Variants in STK11IP observed in about 807,000 individuals in gnomAD.
STK11IP encodes the protein serine/threonine-protein kinase 11-interacting protein.
In STK11IP, 103 loss-of-function variants were observed where a neutral mutation model predicts 131.7. That is an observed-to-expected ratio of 0.78 (90% CI 0.67 to 0.92). The LOEUF is 0.92. Ranked by LOEUF, STK11IP falls within the 40% of genes least tolerant of loss-of-function variation. The pLI, the probability that STK11IP is intolerant of heterozygous loss-of-function variation, is 0.00. For synonymous variants in STK11IP, 557 were observed against 575.6 expected (o/e 0.97, Z 0.46); for missense variants, 1,315 against 1,385.7 (o/e 0.95, Z 0.81).
rs746082953 is a variant in STK11IP at position 219,602,583 on chromosome 2, C to T, written c.546+8C>T. ...GCCTTAGACAGCTCCCTGGTGAGTG[C>T]CTCAGAGGGAAGAGGGTTTCGAGGA... On this transcript the variant is annotated splice_region_variant and intron_variant, in intron 6 of 24. Coordinates refer to ENST00000456909, the MANE Select transcript of STK11IP (RefSeq NM_052902.4). 1 of 1,613,404 alleles carries T rather than the reference C, an allele frequency of 6.2e-7. No homozygotes were observed. The highest frequency in any genetic ancestry group is 1.1e-5 in the South Asian group (1 of 91,052).
Position 219,616,040 on chromosome 2 carries a change from C to T in STK11IP, c.3118-4C>T, listed in dbSNP as rs1329644144. On this transcript the variant is annotated splice_polypyrimidine_tract_variant and splice_region_variant and intron_variant, in intron 24 of 24. Coordinates refer to ENST00000456909, the MANE Select transcript of STK11IP (RefSeq NM_052902.4). ...CTCGCCTTGCTAACTGCTCGGTCTG[C>T]CAGGTGTCCCGGCTGGAGAGCTTTT... 3.7e-6 allele frequency: 6 copies of T among 1,613,150 alleles called. No individual in the cohort carries two copies. Among genetic ancestry groups the T allele is most frequent in the East Asian group, 2.2e-5 (1 of 44,886 alleles).
rs753253372 is a variant in STK11IP at position 219,606,819 on chromosome 2, A to G, written c.1095A>G (p.Ser365=). The change falls in exon 12 of 25, where the codon TCA becomes TCG. Residue 365 remains serine, a synonymous_variant. Coordinates refer to ENST00000456909, the MANE Select transcript of STK11IP (RefSeq NM_052902.4). ...GGPDLSDSLS[S]GGVVTQPLLH... ...CTGACCTGAGTGACAGCCTCTCCTC[A>G]GGGGGTGTTGTGACCCAGCCCCTGC... 2 of 1,613,326 alleles carry G rather than the reference A, an allele frequency of 1.2e-6. No homozygotes were observed. The highest frequency in any genetic ancestry group is 1.7e-5 in the Admixed American group (1 of 60,010).
intron 11 of STK11IP, 22 bp from the exon 12 acceptor site, chr2:219,606,690 C>T (rs529181397): frequency 1.1e-5 from 18 of 1,600,024 alleles, no homozygotes; most frequent in African/African-American, 5.4e-5. Flanking sequence ...ACCTCTCTCT[C>T]CTTCCTGTCG....
At position 219,602,479 on chromosome 2, in the gene STK11IP, A is replaced by G. The variant is rs1398029364; in HGVS notation, c.450A>G (p.Ser150=). The part of the protein sequence containing the change: ...RSLQALEELL[S]ACGGDFCSAL... The stretch of plus-strand genomic sequence containing the variant: ...ATCTGTCTGCTCAGGAGCTCCTCTC[A>G]GCCTGCGGCGGCGACTTCTGCTCTG... The change falls in exon 6 of 25, where the codon TCA becomes TCG. Residue 150 remains serine, a synonymous_variant. Transcript: ENST00000456909. 5.0e-6 allele frequency: 8 copies of G among 1,613,686 alleles called. No homozygotes were observed. The highest frequency in any genetic ancestry group is 1.3e-5 in the African/African-American group (1 of 74,918).
Position 219,608,176 on chromosome 2 carries a change from C to T in STK11IP, c.1349C>T (p.Thr450Ile), listed in dbSNP as rs746397596. The change falls in exon 14 of 25, where the codon ACT becomes ATT. Residue 450 changes from threonine (T) to isoleucine (I), a missense_variant. Transcript: ENST00000456909. ...SGNPLPATPT[T>I]SAPSAPPASS... ...AACCCTCTGCCGGCCACCCCCACTA[C>T]TTCTGCACCCAGTGCACCTCCAGCC... 1 of 1,613,668 alleles carries T rather than the reference C, an allele frequency of 6.2e-7. No individual in the cohort carries two copies. The highest frequency in any genetic ancestry group is 8.5e-7 in the Non-Finnish European group (1 of 1,179,898).
chr2:219,615,292 T>C lies in STK11IP; in HGVS notation c.3068T>C (p.Leu1023Pro). 1 of 1,602,526 alleles carries C rather than the reference T, an allele frequency of 6.2e-7. No individual in the cohort carries two copies. Among genetic ancestry groups the C allele is most frequent in the Non-Finnish European group, 8.5e-7 (1 of 1,179,396 alleles). The change falls in exon 24 of 25, where the codon CTG (leucine) becomes CCG (proline). Residue 1023 changes from leucine (L) to proline (P), a missense_variant. Transcript: ENST00000456909. ...QQPLSSLSSVLLYRSAPEDLR... is the reference protein window; with the variant it reads ...QQPLSSLSSVPLYRSAPEDLR... ...CCACTCAGCAGCCTGAGCTCCGTGC[T>C]GCTCTACCGCTCAGCCCCTGAGGAC... is the stretch of plus-strand genomic sequence containing the variant.
At chr2:219,608,844 G>A (rs1016737536) in intron 15 of STK11IP, 56 bp downstream of exon 15, 28 of 1,500,916 alleles carry the variant, frequency 1.9e-5, no homozygotes, top group Non-Finnish European at 2.4e-5. Context: ...CATGGCTGTT[G>A]TGTGCCCTGC....
At position 219,616,108 on chromosome 2, in the gene STK11IP, T is replaced by C. The variant is rs1008718310; in HGVS notation, c.3182T>C (p.Leu1061Pro). ...TGTCAGGAGCAGCTGACAGCCCTGC[T>C]TGCCTGGATCCGGGAACCATGGGAG... ...VVCQEQLTAL[L>P]AWIREPWEEL... Residue 1061 changes from leucine (L) to proline (P), a missense_variant, in exon 25 of 25, where the codon CTT becomes CCT. Physicochemically the swap from Leu to Pro is moderately conservative, Grantham distance 98. Coordinates refer to ENST00000456909, the MANE Select transcript of STK11IP (RefSeq NM_052902.4). 6.2e-7 allele frequency: 1 copy of C among 1,613,904 alleles called. No individual in the cohort carries two copies. Among genetic ancestry groups the C allele is most frequent in the Non-Finnish European group, 8.5e-7 (1 of 1,179,892 alleles).
chr2:219,606,840 C>T lies in STK11IP; in HGVS notation c.1116C>T (p.Pro372=). The change falls in exon 12 of 25, where the codon CCC becomes CCT. Residue 372 remains proline (P), a synonymous_variant. Coordinates refer to ENST00000456909, the MANE Select transcript of STK11IP (RefSeq NM_052902.4). ...CCTCAGGGGGTGTTGTGACCCAGCC[C>T]CTGCTTCATAAGGTTAAGGTAAGCA... ...SLSSGGVVTQ[P]LLHKVKSRVR... 3 of 1,612,336 alleles carry T rather than the reference C, an allele frequency of 1.9e-6. No individual in the cohort carries two copies. Among genetic ancestry groups the T allele is most frequent in the Non-Finnish European group, 2.5e-6 (3 of 1,179,066 alleles).
intron 7 of STK11IP, among the ~76,000 whole-genome samples, chr2:219,604,996 A>AT (rs1698103988): frequency 6.6e-6 from 1 of 151,990 alleles, no homozygotes; most frequent in Admixed American, 6.5e-5. Context: ...CGCCCAGCTA[A>AT]TTTTTGTATT....
intron 17 of STK11IP, among the ~76,000 whole-genome samples, chr2:219,610,352 T>G (rs1311374926): frequency 2.0e-5 from 3 of 152,136 alleles, no homozygotes; most frequent in African/African-American, 4.8e-5. Context: ...GCCTCTTCCA[T>G]GGTGGCGTTA....
chr2:219,613,940 G>A lies in STK11IP; in HGVS notation c.2716+10G>A, dbSNP rs1698491837. 1 of 1,571,980 alleles carries A rather than the reference G, an allele frequency of 6.4e-7. No homozygotes were observed. The highest frequency in any genetic ancestry group is 8.6e-7 in the Non-Finnish European group (1 of 1,157,444). Reference sequence around the variant, plus strand: ...CTAGAGGAGCTCCTTGGTGAGAGAGGGGAGGGGAAGGCAGGAGGGTGGGCA... The same window carrying A: ...CTAGAGGAGCTCCTTGGTGAGAGAGAGGAGGGGAAGGCAGGAGGGTGGGCA... On this transcript the variant is annotated intron_variant, in intron 21 of 24. Coordinates refer to ENST00000456909, the MANE Select transcript of STK11IP (RefSeq NM_052902.4).
chr2:219,606,320 T>A, intron 10 of STK11IP, 30 bp downstream of exon 10: 1 of 1,553,214 alleles, frequency 6.4e-7, no homozygotes, highest in Non-Finnish European at 8.7e-7. Context: ...CCACTCTTCT[T>A]CCCCTTTCCT....
rs964143631 is a variant in STK11IP, at chr2:219,611,254, C to T, written c.2105-350C>T. 1.2e-4 allele frequency among the ~76,000 whole-genome samples: 18 copies of T among 152,166 alleles called. 1 individual carries two copies. Among genetic ancestry groups the T allele is most frequent in the Admixed American group, 7.9e-4 (12 of 15,278 alleles). ...GACCTGTTGATTTTGGTCTTTCAGACGTTGCTAGGAGAGCCCTGAAGTACT... is the reference window on the plus strand; with the variant it reads ...GACCTGTTGATTTTGGTCTTTCAGATGTTGCTAGGAGAGCCCTGAAGTACT... On this transcript the variant is annotated intron_variant, in intron 17 of 24. Transcript: ENST00000456909.
intron 24 of STK11IP, 126 bp from the exon 25 acceptor site, chr2:219,615,918 G>T: frequency 8.1e-7 from 1 of 1,233,818 alleles, no homozygotes; most frequent in Non-Finnish European, 1.2e-6. Context: ...GGAGTGACAT[G>T]GGCCTGGGGA....
intron 21 of STK11IP, 108 bp downstream of exon 21, chr2:219,614,038 C>CT: frequency 6.7e-7 from 1 of 1,500,806 alleles, no homozygotes; most frequent in Non-Finnish European, 9.1e-7. Flanking sequence ...GGTAACAGGA[C>CT]TTGTCCCTTG....
intron 13 of STK11IP, 42 bp downstream of exon 13, chr2:219,607,179 A>C: frequency 6.3e-7 from 1 of 1,587,050 alleles, no homozygotes; most frequent in Non-Finnish European, 8.6e-7. Context: ...GTCCCCAGCG[A>C]GCTCACTCTA....
rs202180841 is a variant in STK11IP, at chr2:219,613,817, A to T, written c.2603A>T (p.Glu868Val). The T allele has an allele frequency of 4.3e-6, 7 of 1,612,260 alleles. No homozygotes were observed. In the African/African-American group the frequency reaches 8.0e-5, roughly 18 times the overall value. Residue 868 changes from glutamate to valine, a missense_variant, in exon 21 of 25, where the codon GAG (glutamate) becomes GTG (valine). Coordinates refer to ENST00000456909, the MANE Select transcript of STK11IP (RefSeq NM_052902.4). ...AVPLQDLSGI[E>V]LGLAGQSLRL... is the part of the protein sequence containing the mutation. Reference sequence around the variant, plus strand: ...CCCCTGCAGGATCTGAGTGGCATAGAGCTGGGCCTGGCAGGCCAGAGCCTG... The same window carrying T: ...CCCCTGCAGGATCTGAGTGGCATAGTGCTGGGCCTGGCAGGCCAGAGCCTG...
rs2106169284 is a variant in STK11IP at position 219,615,090 on chromosome 2, G to A, written c.2870-4G>A. ...TTCCACACTGGATGCCTCTTTCCCT[G>A]CAGGCCCTTCCACCTGCCTCGTATC... On this transcript the variant is annotated splice_region_variant and splice_polypyrimidine_tract_variant and intron_variant, in intron 23 of 24. Transcript: ENST00000456909. The A allele has an allele frequency of 6.2e-7, 1 of 1,607,232 alleles. No individual in the cohort carries two copies.
Sources: allele counts gnomAD v4.1 joint callset (sites outside exome capture counted in the v4.1 genomes callset), GRCh38; gene constraint gnomAD v4.1.1; transcripts MANE v1.5; gene names NCBI Gene and HGNC (gene_info 2026-07-23, HGNC 2026-07-21).